Variants in POU2F1 observed in about 807,000 individuals in gnomAD.
POU2F1 encodes POU domain, class 2, transcription factor 1.
Under a neutral mutation model 84.9 loss-of-function variants are expected in POU2F1, and 16 were observed. The ratio of observed to expected loss-of-function variants is 0.19; its 90% CI spans 0.13 to 0.29. POU2F1 has a LOEUF of 0.29. Among genes scored for constraint, POU2F1 ranks in the 10% least tolerant of loss-of-function variants. The probability of loss-of-function intolerance (pLI) is 1.00; values close to 1 mark genes in which losing one functional copy is unlikely to be tolerated. For synonymous variants in POU2F1, 368 were observed against 368.3 expected (o/e 1.00, Z 0.01); for missense variants, 738 against 942.6 (o/e 0.78, Z 2.84).
chr1:167,330,098 T>C (rs17344593), intron 1 of POU2F1, among the ~76,000 whole-genome samples: 5,082 of 152,252 alleles, frequency 0.033, 147 homozygotes, highest in Non-Finnish European at 0.046. Flanking sequence ...ATATTTTGTG[T>C]GGAGTTATGT....
intron 1 of POU2F1, among the ~76,000 whole-genome samples, chr1:167,311,800 A>AT (rs1655497103): frequency 6.7e-6 from 1 of 150,096 alleles, no homozygotes; most frequent in Non-Finnish European, 1.5e-5. Flanking sequence ...TTATTTATTT[A>AT]TTTATTTATT....
intron 1 of POU2F1, among the ~76,000 whole-genome samples, chr1:167,222,521 A>G (rs1005836264): frequency 3.3e-5 from 5 of 152,064 alleles, no homozygotes; most frequent in African/African-American, 1.2e-4. Flanking sequence ...CTCTGAGATC[A>G]AACCCAGGCC....
At chr1:167,377,820 C>T (rs1393192704) in intron 7 of POU2F1, among the ~76,000 whole-genome samples, 1 of 152,142 alleles carries the variant, frequency 6.6e-6, no homozygotes, top group Non-Finnish European at 1.5e-5. Flanking sequence ...ATCCTCCTCC[C>T]ACCCTCTACC....
chr1:167,238,470 A>T (rs1243172195), intron 1 of POU2F1, among the ~76,000 whole-genome samples: 2 of 152,126 alleles, frequency 1.3e-5, no homozygotes, highest in African/African-American at 4.8e-5. Flanking sequence ...GAGGCCTTAT[A>T]AACAGGACCC....
chr1:167,312,166 C>T (rs1345558377), intron 1 of POU2F1, among the ~76,000 whole-genome samples: 1 of 151,684 alleles, frequency 6.6e-6, no homozygotes, highest in African/African-American at 2.4e-5. Flanking sequence ...TTGAACTCCT[C>T]ACCTTATGAT....
At chr1:167,374,349 G>A in intron 6 of POU2F1, 53 bp downstream of exon 6, 1 of 1,486,900 alleles carries the variant, frequency 6.7e-7, no homozygotes, top group Non-Finnish European at 9.0e-7. Context: ...AAAGTGGCAG[G>A]TTTTATTTAA....
At chr1:167,291,044 GA>G (rs56798282) in intron 1 of POU2F1, among the ~76,000 whole-genome samples, 69,455 of 117,236 alleles carry the variant, frequency 0.59, 20,689 homozygotes, top group East Asian at 0.81. Flanking sequence ...GACCCTGTCA[GA>G]AAAAAAAAAA....
At chr1:167,322,334 G>T (rs1222470656) in intron 1 of POU2F1, among the ~76,000 whole-genome samples, 1 of 152,156 alleles carries the variant, frequency 6.6e-6, no homozygotes, top group Non-Finnish European at 1.5e-5. Flanking sequence ...ATAACAATTT[G>T]AATTTCCCCA....
rs531680150 is a variant in POU2F1, at chr1:167,418,659, T to G, written c.*2849T>G. Reference sequence around the variant, plus strand: ...GGGCAAGGAAAGGCTGTTTGGGTGGTTTTTTTTTCCCCACATATGGTTTAG... The same window carrying G: ...GGGCAAGGAAAGGCTGTTTGGGTGGGTTTTTTTTCCCCACATATGGTTTAG... On this transcript the variant is annotated 3_prime_UTR_variant, in exon 16 of 16. Coordinates refer to ENST00000367866, the MANE Select transcript of POU2F1 (RefSeq NM_002697.4). 2.4e-4 allele frequency: 36 copies of G among 151,560 alleles called. No individual in the cohort carries two copies. Among genetic ancestry groups the G allele is most frequent in the Admixed American group, 1.8e-3 (27 of 15,240 alleles). The allele number at this position is 151,560 out of a possible 1,614,324, so 9.4% of individuals were successfully genotyped here.
chr1:167,402,390 C>T (rs1452560685), intron 13 of POU2F1, among the ~76,000 whole-genome samples: 2 of 152,068 alleles, frequency 1.3e-5, no homozygotes, highest in African/African-American at 4.8e-5. Context: ...TATGACCTAC[C>T]CATGATGTAA....
chr1:167,413,342 A>G (rs35556593), intron 15 of POU2F1, among the ~76,000 whole-genome samples: 2,229 of 152,356 alleles, frequency 0.015, 22 homozygotes, highest in South Asian at 0.026. Flanking sequence ...GAGTAAAAGC[A>G]GGAAATATAC....
intron 11 of POU2F1, 100 bp from the exon 12 acceptor site, chr1:167,399,086 T>TGTA: frequency 5.0e-6 from 6 of 1,201,162 alleles, no homozygotes; most frequent in Non-Finnish European, 6.9e-6. Context: ...GATGGTCATA[T>TGTA]GTATCCCAGC....
At chr1:167,399,051 T>C (rs1222964265) in intron 11 of POU2F1, 135 bp from the exon 12 acceptor site, 4 of 688,560 alleles carry the variant, frequency 5.8e-6, no homozygotes. Context: ...CTACACAATC[T>C]CTTTGTTGAA....
chr1:167,257,709 A>T (rs1651247769), intron 1 of POU2F1: 1 of 152,096 alleles, frequency 6.6e-6, no homozygotes, highest in East Asian at 1.9e-4. Flanking sequence ...TTTAATGAAC[A>T]CTGATGATGT....
chr1:167,327,233 C>T (rs1656766816), intron 1 of POU2F1, among the ~76,000 whole-genome samples: 1 of 152,200 alleles, frequency 6.6e-6, no homozygotes, highest in African/African-American at 2.4e-5. Flanking sequence ...CACATTCCTC[C>T]AGTCCACGCT....
intron 1 of POU2F1, among the ~76,000 whole-genome samples, chr1:167,316,784 T>A (rs1655932690): frequency 6.6e-6 from 1 of 152,218 alleles, no homozygotes; most frequent in Non-Finnish European, 1.5e-5. Flanking sequence ...ATGGGAATAA[T>A]CAAAGCTGCC....
At chr1:167,398,252 T>G (rs1648951178) in intron 11 of POU2F1, 119 bp downstream of exon 11, 2 of 1,217,664 alleles carry the variant, frequency 1.6e-6, no homozygotes, top group South Asian at 3.1e-5. Context: ...TTATGGATGA[T>G]TATAAATAGG....
intron 1 of POU2F1, among the ~76,000 whole-genome samples, chr1:167,298,883 G>T (rs1654461756): frequency 6.6e-6 from 1 of 152,282 alleles, no homozygotes; most frequent in East Asian, 1.9e-4. Flanking sequence ...TGGAAGGAAG[G>T]CTGGGCACGG....
intron 2 of POU2F1, among the ~76,000 whole-genome samples, chr1:167,344,592 G>A (rs1658067373): frequency 6.6e-6 from 1 of 152,108 alleles, no homozygotes; most frequent in Non-Finnish European, 1.5e-5. Flanking sequence ...GTTACCTTAG[G>A]CAAGTTACTT....
Sources: gnomAD v4.1 joint callset for allele counts (sites outside exome capture counted in the v4.1 genomes callset) on GRCh38, gnomAD v4.1.1 for gene constraint, MANE v1.5 for transcripts, NCBI Gene and HGNC (gene_info 2026-07-23, HGNC 2026-07-21) for gene names.